Variants in DOCK3 observed in about 807,000 individuals in gnomAD.
The protein encoded by DOCK3 is dedicator of cytokinesis 3.
In DOCK3, 60 loss-of-function variants were observed where a neutral mutation model predicts 265.6. That is an observed-to-expected ratio of 0.23 (90% CI 0.18 to 0.28). The LOEUF (loss-of-function observed/expected upper bound fraction) is 0.28, where lower values mean the gene tolerates loss of function less well. DOCK3 is among the 10% of genes least tolerant of loss of function. DOCK3 has a pLI of 1.00. For synonymous variants in DOCK3, 881 were observed against 938.0 expected, an observed-to-expected ratio of 0.94 and a Z score of 1.11; for missense variants, 1,981 against 2,594.3, an observed-to-expected ratio of 0.76 and a Z score of 5.14.
chr3:51,329,917 C>T (rs1347874658), intron 32 of DOCK3, among the ~76,000 whole-genome samples: 3 of 152,100 alleles, frequency 2.0e-5, no homozygotes, highest in Admixed American at 6.6e-5. Context: ...CTTTTAAGTC[C>T]TATCTCTTTT....
chr3:51,021,050 G>T (rs2079565818), intron 5 of DOCK3, among the ~76,000 whole-genome samples: 1 of 151,932 alleles, frequency 6.6e-6, no homozygotes, highest in Admixed American at 6.5e-5. Flanking sequence ...AACTATAAAT[G>T]ATTCTTGGCA....
chr3:51,249,135 C>T lies in DOCK3; in HGVS notation c.2184+2328C>T, dbSNP rs1318288291. ...CAGCCCCCCGCCAGGCCAGCCGCCC[C>T]GTCCGGGAGGGAGGTGGGGGGGTCA... On this transcript the variant is annotated intron_variant, in intron 22 of 52. Transcript: ENST00000266037. 5.6e-5 allele frequency among the ~76,000 whole-genome samples: 8 copies of T among 143,908 alleles called. No individual in the cohort carries two copies. In the East Asian group the frequency reaches 1.3e-3, roughly 23 times the overall value. 94.4% of individuals were successfully genotyped at this position (143,908 alleles called of 152,430 possible). A position where few individuals can be genotyped will look rare whatever the true frequency, so the allele number is the denominator to read the frequency against.
chr3:50,908,528 G>A (rs1402200016), intron 4 of DOCK3, among the ~76,000 whole-genome samples: 1 of 152,008 alleles, frequency 6.6e-6, no homozygotes, highest in Admixed American at 6.6e-5. Context: ...TAGTTGTGAG[G>A]GTTGGAGTGA....
intron 2 of DOCK3, among the ~76,000 whole-genome samples, chr3:50,830,789 C>A (rs940303614): frequency 2.0e-5 from 3 of 151,976 alleles, no homozygotes; most frequent in African/African-American, 7.3e-5. Flanking sequence ...AATAAGAATG[C>A]GTATTATTTT....
chr3:50,744,217 C>G (rs2039273909), intron 1 of DOCK3, among the ~76,000 whole-genome samples: 4 of 152,180 alleles, frequency 2.6e-5, no homozygotes, highest in Admixed American at 2.6e-4. Flanking sequence ...TTTTATACCA[C>G]TCTGTGAGCT....
At chr3:51,302,806 T>G (rs2082428364) in intron 27 of DOCK3, among the ~76,000 whole-genome samples, 1 of 152,224 alleles carries the variant, frequency 6.6e-6, no homozygotes, top group African/African-American at 2.4e-5. Context: ...TCTGATGGGC[T>G]TCCCTTTGTA....
intron 1 of DOCK3, among the ~76,000 whole-genome samples, chr3:50,752,913 A>G (rs1303008970): frequency 2.6e-5 from 4 of 152,192 alleles, no homozygotes; most frequent in Non-Finnish European, 5.9e-5. Flanking sequence ...TACAAATTTT[A>G]CTTTACAAAA....
At position 51,074,917 on chromosome 3, in the gene DOCK3, T is replaced by G. The variant is rs531156489; in HGVS notation, c.465-439T>G. Among the ~76,000 whole-genome samples the G allele has an allele frequency of 4.6e-5, 7 of 152,314 alleles. No homozygotes were observed. In the South Asian group the frequency reaches 1.5e-3, roughly 32 times the overall value. ...TACATCTCTTTGCATTTAGTAACTT[T>G]TAAGAGGTGAATTTTATGTGTTTGA... On this transcript the variant is annotated intron_variant, in intron 6 of 52. Coordinates refer to ENST00000266037, the MANE Select transcript of DOCK3 (RefSeq NM_004947.5).
chr3:50,719,411 A>G, intron 1 of DOCK3: 1 of 572,678 alleles, frequency 1.7e-6, no homozygotes, highest in Non-Finnish European at 3.1e-6. Flanking sequence ...GAGCAAATGG[A>G]GTGGAGGGGT....
intron 38 of DOCK3, among the ~76,000 whole-genome samples, chr3:51,345,437 C>T (rs2085499551): frequency 6.6e-6 from 1 of 152,020 alleles, no homozygotes; most frequent in African/African-American, 2.4e-5. Context: ...ATAGCGAGAC[C>T]CCATCTCTAT....
chr3:51,146,713 G>A (rs1445251226), intron 10 of DOCK3, 83 bp downstream of exon 10: 4 of 1,288,804 alleles, frequency 3.1e-6, no homozygotes, highest in Admixed American at 4.1e-5. Flanking sequence ...CTGGAAACAA[G>A]CATTTAGTCT....
intron 1 of DOCK3, among the ~76,000 whole-genome samples, chr3:50,737,594 T>C (rs1440564948): frequency 6.6e-6 from 1 of 152,226 alleles, no homozygotes; most frequent in Non-Finnish European, 1.5e-5. Context: ...CCTTTGGCTT[T>C]TTTTCAGTTC....
chr3:50,994,781 G>A (rs1319525869), intron 5 of DOCK3, among the ~76,000 whole-genome samples: 1 of 152,112 alleles, frequency 6.6e-6, no homozygotes, highest in African/African-American at 2.4e-5. Context: ...GAGAAAGTGT[G>A]ACTTTATAGG....
chr3:50,867,113 A>C (rs1360286940), intron 3 of DOCK3, among the ~76,000 whole-genome samples: 9 of 152,086 alleles, frequency 5.9e-5, no homozygotes, highest in Admixed American at 5.9e-4. Context: ...TTCTTTAGTC[A>C]GTGTTTTATA....
At chr3:51,020,835 T>C (rs2079554438) in intron 5 of DOCK3, among the ~76,000 whole-genome samples, 1 of 151,908 alleles carries the variant, frequency 6.6e-6, no homozygotes, top group African/African-American at 2.4e-5. Flanking sequence ...TATGTGTCTG[T>C]TTTTGTATCA....
In DOCK3 at chr3:51,260,388, G is replaced by A. The variant is rs1056193096; in HGVS notation, c.2355+62G>A. ...CTCTTTCTCAGTGGGTGGTTTCTTT[G>A]TCCTCTGGTTTTCAGAGATGAAGAA... is the stretch of plus-strand genomic sequence containing the variant. On this transcript the variant is annotated intron_variant, in intron 23 of 52. Transcript: ENST00000266037. 5.3e-6 allele frequency: 8 copies of A among 1,511,118 alleles called. 1 individual carries two copies. The African/African-American group carries it at 7.0e-5, about 13-fold the overall frequency. The allele number at this position is 1,511,118 out of a possible 1,614,324, so 93.6% of individuals were successfully genotyped here.
intron 1 of DOCK3, among the ~76,000 whole-genome samples, chr3:50,770,706 G>A (rs185444034): frequency 1.6e-4 from 25 of 152,130 alleles, no homozygotes; most frequent in Middle Eastern, 3.4e-3. Flanking sequence ...ACATATAGAC[G>A]CATAGACCAA....
At chr3:50,888,467 A>G (rs2048458352) in intron 3 of DOCK3, among the ~76,000 whole-genome samples, 1 of 152,206 alleles carries the variant, frequency 6.6e-6, no homozygotes. Flanking sequence ...TGCCATCCTC[A>G]TCAAGCTACC....
Position 51,367,678 on chromosome 3 carries a change from T to C in DOCK3, c.5293+5004T>C, listed in dbSNP as rs1020357256. ...GCTTCCTTCAGGAGCTCTTGTAAGG[T>C]AGGCCTGGTGGTGACAAAATCTCTC... On this transcript the variant is annotated intron_variant, in intron 49 of 52. Coordinates refer to ENST00000266037, the MANE Select transcript of DOCK3 (RefSeq NM_004947.5). 7.2e-5 allele frequency among the ~76,000 whole-genome samples: 11 copies of C among 152,318 alleles called. No homozygotes were observed. The East Asian group carries it at 7.7e-4, about 11-fold the overall frequency.
Sources: gnomAD v4.1 joint callset for allele counts (sites outside exome capture counted in the v4.1 genomes callset) on GRCh38, gnomAD v4.1.1 for gene constraint, MANE v1.5 for transcripts, NCBI Gene and HGNC (gene_info 2026-07-23, HGNC 2026-07-21) for gene names.